The following PCCA variants were observed in gnomAD, a reference collection of about 807,000 sequenced individuals.
PCCA encodes the protein propionyl-CoA carboxylase alpha chain, mitochondrial.
In PCCA, 74 loss-of-function variants were observed where a neutral mutation model predicts 101.3. The ratio of observed to expected loss-of-function variants is 0.73; its 90% CI spans 0.61 to 0.89. PCCA has a LOEUF of 0.89. Ranked by LOEUF, PCCA falls within the 40% of genes least tolerant of loss-of-function variation. PCCA has a pLI of 0.00. For missense variants in PCCA, 891 were observed against 907.0 expected (o/e 0.98, Z 0.23); for synonymous variants, 294 against 313.6 (o/e 0.94, Z 0.66).
Position 100,208,074 on chromosome 13 carries a change from T to C in PCCA, c.469-1258T>C, listed in dbSNP as rs188358079. On this transcript the variant is annotated intron_variant, in intron 6 of 23. Coordinates refer to ENST00000376285, the MANE Select transcript of PCCA (RefSeq NM_000282.4). ...TTGTCTAATAACCCCTATACCTCTA[T>C]ATCTGCCTCCTGAACATGAATACTT... Among the ~76,000 whole-genome samples, 214 of 152,258 alleles carry C rather than the reference T, an allele frequency of 1.4e-3. 2 individuals carry two copies. Among genetic ancestry groups the C allele is most frequent in the Middle Eastern group, 3.4e-3 (1 of 294 alleles).
chr13:100,356,260 T>A (rs2073944325), intron 18 of PCCA, among the ~76,000 whole-genome samples: 1 of 152,108 alleles, frequency 6.6e-6, no homozygotes, highest in Non-Finnish European at 1.5e-5. Context: ...AAAAATTAGA[T>A]AAATTGGACT....
intron 20 of PCCA, among the ~76,000 whole-genome samples, chr13:100,434,524 A>G (rs1280041320): frequency 6.6e-6 from 1 of 152,102 alleles, no homozygotes; most frequent in Non-Finnish European, 1.5e-5. Flanking sequence ...CAGATGTCCA[A>G]AGCTGGCCGG....
At chr13:100,261,711 AAAC>A (rs2062535537) in intron 9 of PCCA, among the ~76,000 whole-genome samples, 1 of 152,216 alleles carries the variant, frequency 6.6e-6, no homozygotes, top group Non-Finnish European at 1.5e-5. Flanking sequence ...ATTAGTTTGT[AAAC>A]AAAATATATA....
At position 100,250,854 on chromosome 13, in the gene PCCA, G is replaced by T. The variant is rs568029717; in HGVS notation, c.638-6741G>T. ...CAAGTCTAGCATAGTCCTTTCTCGT[G>T]TTCTGATTAAACAAGCTTGTATTAT... On this transcript the variant is annotated intron_variant, in intron 8 of 23. Coordinates refer to ENST00000376285, the MANE Select transcript of PCCA (RefSeq NM_000282.4). Among the ~76,000 whole-genome samples the T allele has an allele frequency of 1.9e-3, 294 of 152,162 alleles. 1 individual carries two copies. The highest frequency in any genetic ancestry group is 5.6e-3 in the African/African-American group (232 of 41,520).
intron 4 of PCCA, among the ~76,000 whole-genome samples, chr13:100,121,486 C>G (rs1207274501): frequency 1.1e-5 from 1 of 92,502 alleles, no homozygotes; most frequent in South Asian, 3.5e-4. Context: ...TTTTTTTTTT[C>G]TCTCTTGAGA....
intron 18 of PCCA, among the ~76,000 whole-genome samples, chr13:100,366,697 C>T (rs565184884): frequency 5.9e-5 from 9 of 152,192 alleles, no homozygotes; most frequent in African/African-American, 2.2e-4. Context: ...TCATACTCTT[C>T]TGTGTGAGGC....
intron 8 of PCCA, among the ~76,000 whole-genome samples, chr13:100,252,733 TC>T (rs536085138): frequency 2.2e-3 from 340 of 152,318 alleles, no homozygotes; most frequent in African/African-American, 7.9e-3. Flanking sequence ...CCTAGAATCT[TC>T]CTTCATTCAT....
intron 19 of PCCA, among the ~76,000 whole-genome samples, chr13:100,407,148 TA>T (rs1340637913): frequency 6.6e-6 from 1 of 152,232 alleles, no homozygotes; most frequent in Admixed American, 6.5e-5. Context: ...ACTTGGACAT[TA>T]GAATTTTAGA....
chr13:100,350,662 A>G (rs1285133603), intron 18 of PCCA, among the ~76,000 whole-genome samples: 1 of 152,204 alleles, frequency 6.6e-6, no homozygotes, highest in Non-Finnish European at 1.5e-5. Flanking sequence ...TTTTGATCCT[A>G]CTATAAGAGC....
At chr13:100,410,106 C>T (rs2077940220) in intron 19 of PCCA, among the ~76,000 whole-genome samples, 1 of 152,108 alleles carries the variant, frequency 6.6e-6, no homozygotes, top group South Asian at 2.1e-4. Flanking sequence ...TTTCTATGGC[C>T]AAATTGGTTT....
chr13:100,421,295 T>C (rs1413054438), intron 19 of PCCA, among the ~76,000 whole-genome samples: 1 of 152,214 alleles, frequency 6.6e-6, no homozygotes, highest in Non-Finnish European at 1.5e-5. Flanking sequence ...AGCCTCCCTT[T>C]CATACCTGTT....
chr13:100,486,891 C>G (rs1464169144), intron 21 of PCCA, among the ~76,000 whole-genome samples: 2 of 152,196 alleles, frequency 1.3e-5, no homozygotes, highest in African/African-American at 4.8e-5. Context: ...TGCACTCCAG[C>G]TTGGGTGACA....
intron 21 of PCCA, among the ~76,000 whole-genome samples, chr13:100,489,257 G>A (rs1423231015): frequency 1.3e-5 from 2 of 152,072 alleles, no homozygotes; most frequent in South Asian, 2.1e-4. Flanking sequence ...GCAGTGAGCC[G>A]AGATTGCACC....
At chr13:100,165,962 C>G (rs1170364948) in intron 6 of PCCA, among the ~76,000 whole-genome samples, 1 of 152,064 alleles carries the variant, frequency 6.6e-6, no homozygotes, top group East Asian at 1.9e-4. Flanking sequence ...TCCAAGAAAG[C>G]CTTATTGAAA....
At chr13:100,472,623 T>C (rs1183745338) in intron 21 of PCCA, among the ~76,000 whole-genome samples, 2 of 152,066 alleles carry the variant, frequency 1.3e-5, no homozygotes, top group African/African-American at 4.8e-5. Flanking sequence ...TTAGTGGGGC[T>C]TCCTCGGGAA....
chr13:100,480,145 G>A (rs760098458), intron 21 of PCCA: 5 of 133,308 alleles, frequency 3.8e-5, no homozygotes, highest in Admixed American at 6.9e-5. Flanking sequence ...AACCAGACTA[G>A]ATGAGGCAGA....
At chr13:100,092,078 C>T (rs1400531705) in intron 1 of PCCA, among the ~76,000 whole-genome samples, 1 of 151,766 alleles carries the variant, frequency 6.6e-6, no homozygotes, top group Admixed American at 6.6e-5. Context: ...ACGCCACCAC[C>T]ACCGGCTAAT....
chr13:100,239,621 A>G (rs766871203), intron 8 of PCCA, among the ~76,000 whole-genome samples: 7 of 152,158 alleles, frequency 4.6e-5, no homozygotes, highest in Admixed American at 3.9e-4. Flanking sequence ...AACCTCAATG[A>G]TAGACAACAG....
intron 12 of PCCA, chr13:100,293,127 A>G: frequency 9.2e-6 from 4 of 433,076 alleles, no homozygotes; most frequent in South Asian, 1.8e-5. Flanking sequence ...AACCCCAAAC[A>G]TGGTCAGTCA....
Sources: allele counts gnomAD v4.1 joint callset (sites outside exome capture counted in the v4.1 genomes callset), GRCh38; gene constraint gnomAD v4.1.1; transcripts MANE v1.5; gene names NCBI Gene and HGNC (gene_info 2026-07-23, HGNC 2026-07-21).